Variants in SPHKAP observed in about 807,000 individuals in gnomAD.
The protein encoded by SPHKAP is A-kinase anchor protein SPHKAP.
A neutral mutation model predicts 137.5 loss-of-function variants in SPHKAP; 67 were observed. The ratio of observed to expected loss-of-function variants is 0.49; its 90% confidence interval spans 0.40 to 0.60. The LOEUF (loss-of-function observed/expected upper bound fraction) is 0.60. SPHKAP is among the 20% of genes least tolerant of loss of function. SPHKAP has a pLI of 0.00. For synonymous variants in SPHKAP, 813 were observed against 785.3 expected, an observed-to-expected ratio of 1.04 and a Z score of -0.59; for missense variants, 2,097 against 2,069.3, an observed-to-expected ratio of 1.01 and a Z score of -0.26.
chr2:227,990,921 G>T (rs768380016), intron 11 of SPHKAP, 79 bp downstream of exon 11: 11 of 1,422,036 alleles, frequency 7.7e-6, no homozygotes, highest in Middle Eastern at 3.6e-4. Context: ...ATGGACAGGG[G>T]TTTACTGAGC....
chr2:228,033,229 C>G (rs552012874), intron 3 of SPHKAP, among the ~76,000 whole-genome samples: 2 of 152,004 alleles, frequency 1.3e-5, no homozygotes, highest in Non-Finnish European at 2.9e-5. Context: ...GGTTGCAATC[C>G]TAGTCTCTGA....
At chr2:228,064,606 C>G (rs1696765320) in intron 3 of SPHKAP, among the ~76,000 whole-genome samples, 2 of 152,070 alleles carry the variant, frequency 1.3e-5, no homozygotes, top group Non-Finnish European at 2.9e-5. Context: ...CTTTCTTGCC[C>G]CTGTTGGTAT....
intron 3 of SPHKAP, among the ~76,000 whole-genome samples, chr2:228,073,690 A>C (rs898557320): frequency 2.6e-5 from 4 of 152,214 alleles, no homozygotes; most frequent in African/African-American, 9.7e-5. Flanking sequence ...ACAGACTTTC[A>C]AAGCAGAATG....
At chr2:228,163,750 T>C (rs1700342586) in intron 1 of SPHKAP, among the ~76,000 whole-genome samples, 1 of 152,190 alleles carries the variant, frequency 6.6e-6, no homozygotes, top group South Asian at 2.1e-4. Context: ...ACCAACCTGT[T>C]GGGTGACTGT....
intron 1 of SPHKAP, among the ~76,000 whole-genome samples, chr2:228,171,438 A>T (rs1257904095): frequency 3.3e-5 from 5 of 152,150 alleles, no homozygotes; most frequent in Non-Finnish European, 7.4e-5. Flanking sequence ...CTTGCTATTT[A>T]AAAAGCCAAG....
intron 6 of SPHKAP, among the ~76,000 whole-genome samples, chr2:228,020,806 A>G (rs973005327): frequency 1.3e-5 from 2 of 152,220 alleles, no homozygotes; most frequent in Non-Finnish European, 2.9e-5. Context: ...AAGAAAAATG[A>G]ATCTGAAAAG....
chr2:228,167,771 G>A (rs892406853), intron 1 of SPHKAP, among the ~76,000 whole-genome samples: 4 of 151,962 alleles, frequency 2.6e-5, no homozygotes, highest in South Asian at 2.1e-4. Flanking sequence ...AAAGAAATAA[G>A]GTATGTTATG....
chr2:228,121,958 G>A (rs1698918936), intron 2 of SPHKAP, among the ~76,000 whole-genome samples: 1 of 152,088 alleles, frequency 6.6e-6, no homozygotes, highest in South Asian at 2.1e-4. Context: ...TCTACTCCAG[G>A]CTACTATGCT....
intron 2 of SPHKAP, among the ~76,000 whole-genome samples, chr2:228,130,039 G>A (rs995066613): frequency 1.5e-4 from 23 of 152,016 alleles, no homozygotes; most frequent in Non-Finnish European, 2.5e-4. Flanking sequence ...CAGGTGATCC[G>A]CCCACCTCGT....
At chr2:228,141,234 G>A (rs1699598185) in intron 1 of SPHKAP, among the ~76,000 whole-genome samples, 1 of 152,176 alleles carries the variant, frequency 6.6e-6, no homozygotes, top group East Asian at 1.9e-4. Context: ...TAGAGAGATG[G>A]AGTTGGATCT....
At chr2:228,169,293 G>A (rs764366465) in intron 1 of SPHKAP, among the ~76,000 whole-genome samples, 34 of 152,108 alleles carry the variant, frequency 2.2e-4, no homozygotes, top group Admixed American at 7.2e-4. Flanking sequence ...TGCCATCTAG[G>A]ACTTTCATAG....
chr2:228,047,515 A>T (rs1696110365), intron 3 of SPHKAP, among the ~76,000 whole-genome samples: 2 of 152,058 alleles, frequency 1.3e-5, no homozygotes, highest in African/African-American at 4.8e-5. Flanking sequence ...CTCTCATGTT[A>T]TCTGTAAAGA....
At chr2:228,046,521 T>C (rs1052558978) in intron 3 of SPHKAP, among the ~76,000 whole-genome samples, 1 of 152,050 alleles carries the variant, frequency 6.6e-6, no homozygotes, top group Non-Finnish European at 1.5e-5. Flanking sequence ...TAAAAATAAA[T>C]AGGTGATTCA....
chr2:228,020,587 G>A (rs1694804931), intron 6 of SPHKAP, among the ~76,000 whole-genome samples: 1 of 152,046 alleles, frequency 6.6e-6, no homozygotes, highest in South Asian at 2.1e-4. Context: ...GGAGTGGGGA[G>A]GGCTAGCATT....
chr2:228,003,327 C>T (rs1231416930), intron 7 of SPHKAP, among the ~76,000 whole-genome samples: 2 of 152,116 alleles, frequency 1.3e-5, no homozygotes, highest in Non-Finnish European at 2.9e-5. Flanking sequence ...CTCTTTGAAG[C>T]AATTGTGAAT....
At chr2:228,103,479 A>G (rs12479183) in intron 3 of SPHKAP, among the ~76,000 whole-genome samples, 38,850 of 152,160 alleles carry the variant, frequency 0.26, 5,185 homozygotes, top group Admixed American at 0.36. Context: ...ATATGTTAAA[A>G]TGGAAGAAAC....
chr2:228,008,189 A>G (rs78364398), intron 7 of SPHKAP, among the ~76,000 whole-genome samples: 9,876 of 151,878 alleles, frequency 0.065, 571 homozygotes, highest in East Asian at 0.29. Context: ...AATAAAGTCT[A>G]TTTTATCAAG....
intron 3 of SPHKAP, among the ~76,000 whole-genome samples, chr2:228,092,925 T>C (rs1360162316): frequency 6.6e-6 from 1 of 151,950 alleles, no homozygotes; most frequent in Non-Finnish European, 1.5e-5. Flanking sequence ...GGGAACAGGT[T>C]GAGGGATAAG....
chr2:228,033,185 T>C (rs900617068), intron 3 of SPHKAP, among the ~76,000 whole-genome samples: 2 of 151,830 alleles, frequency 1.3e-5, no homozygotes, highest in African/African-American at 4.8e-5. Context: ...TGGAGGAAGA[T>C]CTACCAAGCA....
Sources: allele counts gnomAD v4.1 joint callset (sites outside exome capture counted in the v4.1 genomes callset), GRCh38; gene constraint gnomAD v4.1.1; transcripts MANE v1.5; gene names NCBI Gene and HGNC (gene_info 2026-07-23, HGNC 2026-07-21).